STAB1: variants seen among roughly 807,000 people sequenced by gnomAD.
The protein encoded by STAB1 is stabilin-1.
A neutral mutation model predicts 332.4 loss-of-function variants in STAB1; 250 were observed. The ratio of observed to expected loss-of-function variants is 0.75; its 90% CI spans 0.68 to 0.84. STAB1 has a LOEUF of 0.84. STAB1 is among the 40% of genes least tolerant of loss of function. The probability of loss-of-function intolerance (pLI) is 0.00; values close to 1 mark genes in which losing one functional copy is unlikely to be tolerated. For synonymous variants in STAB1, 1,475 were observed against 1,390.4 expected (o/e 1.06, Z -1.35); for missense variants, 3,249 against 3,489.7 (o/e 0.93, Z 1.74).
Position 52,523,948 on chromosome 3 carries a change from C to A in STAB1, c.7473C>A (p.Gly2491=). The A allele has an allele frequency of 1.2e-6, 2 of 1,611,000 alleles. No individual in the cohort carries two copies. The highest frequency in any genetic ancestry group is 1.7e-6 in the Non-Finnish European group (2 of 1,179,924). ...TGCTTGCCGCTGGAGCACTGCTTGG[C>A]TTGGTGGCCGGAGCTCTCTACCTCC... is the stretch of plus-strand genomic sequence containing the variant. ...GAVLAAGALL[G]LVAGALYLRA... The change falls in exon 67 of 69, where the codon GGC becomes GGA. Residue 2491 remains glycine (G), a synonymous_variant. Coordinates refer to ENST00000321725, the MANE Select transcript of STAB1 (RefSeq NM_015136.3).
chr3:52,522,533 C>T (rs1464286817), intron 60 of STAB1, 22 bp from the exon 61 acceptor site: 2 of 1,613,068 alleles, frequency 1.2e-6, no homozygotes, highest in East Asian at 4.5e-5. Context: ...GCCAGCTGAC[C>T]ATGCACCCCT....
At position 52,523,878 on chromosome 3, in the gene STAB1, T is replaced by C. The variant is rs757597165; in HGVS notation, c.7403T>C (p.Val2468Ala). The change falls in exon 67 of 69, where the codon GTG becomes GCG. Residue 2468 changes from valine to alanine, a missense_variant. Physicochemically the swap from Val to Ala is moderately conservative, Grantham distance 64. Coordinates refer to ENST00000321725, the MANE Select transcript of STAB1 (RefSeq NM_015136.3). ...PLLAPPQPQA[V>A]LAPEAPPVAA... ...CTCCCTGTTTGTTTGTAGCAGGCAG[T>C]GCTGGCGCCTGAAGCCCCACCTGTG... is the stretch of plus-strand genomic sequence containing the variant. 6.2e-7 allele frequency: 1 copy of C among 1,602,726 alleles called. No individual in the cohort carries two copies. Among genetic ancestry groups the C allele is most frequent in the East Asian group, 2.2e-5 (1 of 44,776 alleles).
intron 1 of STAB1, among the ~76,000 whole-genome samples, chr3:52,497,789 A>T (rs1403339461): frequency 6.6e-6 from 1 of 152,162 alleles, no homozygotes; most frequent in African/African-American, 2.4e-5. Context: ...CCAGTCCCCC[A>T]TAGACACCAA....
In STAB1 at chr3:52,514,853, G is replaced by A. The variant is rs368950186; in HGVS notation, c.3807+24G>A. ...GGGTGAGAGGCTGGGGCCACAGGAA[G>A]GCCGGCACGGGAGTTCAGAGCTGGG... On this transcript the variant is annotated intron_variant, in intron 35 of 68. Coordinates refer to ENST00000321725, the MANE Select transcript of STAB1 (RefSeq NM_015136.3). 31 of 1,612,706 alleles carry A rather than the reference G, an allele frequency of 1.9e-5. No homozygotes were observed. The African/African-American group carries it at 4.1e-4, about 22-fold the overall frequency.
Position 52,515,465 on chromosome 3 carries a change from T to G in STAB1, c.3907T>G (p.Phe1303Val), listed in dbSNP as rs764228655. Residue 1303 changes from phenylalanine to valine, a missense_variant, in exon 37 of 69, where the codon TTC becomes GTC. Coordinates refer to ENST00000321725, the MANE Select transcript of STAB1 (RefSeq NM_015136.3). ...KSCVYRSGFS[F>V]SRGCSYTCAK... Reference sequence around the variant, plus strand: ...CTGTGTCTACCGATCTGGCTTCTCCTTCTCCCGGGGCTGCTCTTACACATG... The same window carrying G: ...CTGTGTCTACCGATCTGGCTTCTCCGTCTCCCGGGGCTGCTCTTACACATG... 2.5e-5 allele frequency: 41 copies of G among 1,613,384 alleles called. No homozygotes were observed. The highest frequency in any genetic ancestry group is 3.3e-5 in the Non-Finnish European group (39 of 1,180,006).
At chr3:52,511,344 C>G (rs538376200) in intron 25 of STAB1, among the ~76,000 whole-genome samples, 69 of 152,260 alleles carry the variant, frequency 4.5e-4, no homozygotes, top group African/African-American at 1.6e-3. Context: ...TACACACTTG[C>G]CACAAGCTGT....
intron 48 of STAB1, 24 bp from the exon 49 acceptor site, chr3:52,519,237 TTCA>T: frequency 6.2e-7 from 1 of 1,600,376 alleles, no homozygotes; most frequent in Non-Finnish European, 8.5e-7. Flanking sequence ...ACCTATCTGC[TTCA>T]TCAGCCCCGT....
intron 18 of STAB1, 138 bp from the exon 19 acceptor site, chr3:52,507,475 C>T (rs918061322): frequency 1.1e-6 from 1 of 908,362 alleles, no homozygotes; most frequent in Non-Finnish European, 1.7e-6. Flanking sequence ...CTCTCCTCTG[C>T]CTGGAATGCC....
At chr3:52,501,518 C>T in intron 2 of STAB1, 120 bp from the exon 3 acceptor site, 1 of 1,127,910 alleles carries the variant, frequency 8.9e-7, no homozygotes, top group South Asian at 1.5e-5. Flanking sequence ...GCCCTGTGCT[C>T]AGCTCTGGGC....
At chr3:52,500,133 T>G (rs2153232803) in intron 1 of STAB1, among the ~76,000 whole-genome samples, 1 of 152,222 alleles carries the variant, frequency 6.6e-6, no homozygotes, top group South Asian at 2.1e-4. Context: ...CACCCAGGTT[T>G]ACGGAGCTCC....
rs377536288 is a variant in STAB1, at chr3:52,516,991, C to T, written c.4371C>T (p.Asp1457=). ...SGNGIFCSEV[D]PCAHGHGGCS... ...CTGGCCATCTCCCCTTAGAGGTGGA[C>T]CCCTGCGCCCACGGCCATGGGGGCT... is the stretch of plus-strand genomic sequence containing the variant. Residue 1457 remains aspartate, a synonymous_variant, in exon 42 of 69, where the codon GAC becomes GAT. Transcript: ENST00000321725. 4 of 1,610,150 alleles carry T rather than the reference C, an allele frequency of 2.5e-6. No homozygotes were observed. In the Admixed American group the frequency reaches 6.7e-5, roughly 27 times the overall value.
intron 24 of STAB1, 52 bp from the exon 25 acceptor site, chr3:52,510,297 C>A: frequency 2.5e-6 from 4 of 1,613,834 alleles, no homozygotes; most frequent in Non-Finnish European, 2.5e-6. Context: ...GATGCCCTGG[C>A]CCTCTGCCTA....
chr3:52,499,886 G>A (rs1376115971), intron 1 of STAB1, among the ~76,000 whole-genome samples: 3 of 97,978 alleles, frequency 3.1e-5, no homozygotes, highest in Non-Finnish European at 5.6e-5. Flanking sequence ...GCGACAGAGC[G>A]AGACTCCATC....
chr3:52,519,418 G>C lies in STAB1; in HGVS notation c.5175+14G>C. On this transcript the variant is annotated intron_variant, in intron 49 of 68. Coordinates refer to ENST00000321725, the MANE Select transcript of STAB1 (RefSeq NM_015136.3). ...CCCATCCCGAGGGTATGACAAGCAC[G>C]GGCCTGGGAGCTGGAAGACAGGCAG... The C allele has an allele frequency of 6.2e-7, 1 of 1,612,328 alleles. No individual in the cohort carries two copies. Among genetic ancestry groups the C allele is most frequent in the Admixed American group, 1.7e-5 (1 of 60,026 alleles).
Position 52,503,929 on chromosome 3 carries a change from A to G in STAB1, c.1022+27A>G, listed in dbSNP as rs373163351. On this transcript the variant is annotated intron_variant, in intron 9 of 68. Transcript: ENST00000321725. ...TGAGCACAGGTGCCTGGGAGCAGAGACAGTGGGTTGGGCAAGCGTGCCCTC... is the reference window on the plus strand; with the variant it reads ...TGAGCACAGGTGCCTGGGAGCAGAGGCAGTGGGTTGGGCAAGCGTGCCCTC... The G allele has an allele frequency of 1.4e-5, 23 of 1,612,680 alleles. No homozygotes were observed. The African/African-American group carries it at 2.9e-4, about 21-fold the overall frequency.
chr3:52,519,950 G>A lies in STAB1; in HGVS notation c.5242G>A (p.Gly1748Ser), dbSNP rs376405572. 4.4e-6 allele frequency: 7 copies of A among 1,573,200 alleles called. No individual in the cohort carries two copies. Among genetic ancestry groups the A allele is most frequent in the South Asian group, 1.1e-5 (1 of 87,876 alleles). ...CTTTGCTGCACCCCACCAGGTGGCCGGCCTCCTGCCCCTGCTTCGAGAGGC... is the reference window on the plus strand; with the variant it reads ...CTTTGCTGCACCCCACCAGGTGGCCAGCCTCCTGCCCCTGCTTCGAGAGGC... Reference protein sequence around the residue: ...KIFSGLLKVAGLLPLLREASH... With the variant: ...KIFSGLLKVASLLPLLREASH... Residue 1748 changes from glycine to serine, a missense_variant, in exon 51 of 69, where the codon GGC becomes AGC. Transcript: ENST00000321725.
intron 25 of STAB1, 150 bp from the exon 26 acceptor site, chr3:52,511,500 C>A: frequency 1.6e-6 from 1 of 610,226 alleles, no homozygotes. Flanking sequence ...CCATCTGGAG[C>A]ACAGATCTCT....
intron 22 of STAB1, 119 bp downstream of exon 22, chr3:52,509,440 G>A (rs955848473): frequency 5.1e-6 from 4 of 790,462 alleles, no homozygotes; most frequent in African/African-American, 3.5e-5. Context: ...GCCAAGGGGA[G>A]TGGAGGAAGA....
intron 56 of STAB1, 21 bp from the exon 57 acceptor site, chr3:52,521,575 C>T (rs1286478254): frequency 6.2e-7 from 1 of 1,613,098 alleles, no homozygotes; most frequent in Non-Finnish European, 8.5e-7. Flanking sequence ...TCTTTATCTT[C>T]CTGCCTGTCC....
Sources: allele counts gnomAD v4.1 joint callset (sites outside exome capture counted in the v4.1 genomes callset), GRCh38; gene constraint gnomAD v4.1.1; transcripts MANE v1.5; gene names NCBI Gene and HGNC (gene_info 2026-07-23, HGNC 2026-07-21).